MEGF11: variants seen among roughly 807,000 people sequenced by gnomAD.
The protein encoded by MEGF11 is multiple EGF like domains 11, also known as multiple epidermal growth factor-like domains protein 11.
In MEGF11, 126 loss-of-function variants were observed where a neutral mutation model predicts 146.6. The ratio of observed to expected loss-of-function variants is 0.86; its 90% CI spans 0.74 to 1.00. The LOEUF (loss-of-function observed/expected upper bound fraction) is 1.00. Ranked by LOEUF, MEGF11 falls within the 50% of genes least tolerant of loss-of-function variation. MEGF11 has a pLI of 0.00. For missense variants in MEGF11, 1,509 were observed against 1,521.2 expected (o/e 0.99, Z 0.13); for synonymous variants, 532 against 583.4 (o/e 0.91, Z 1.27).
At chr15:66,015,557 A>G (rs1482065250) in intron 5 of MEGF11, among the ~76,000 whole-genome samples, 6 of 152,160 alleles carry the variant, frequency 3.9e-5, no homozygotes, top group Admixed American at 1.3e-4. Context: ...TTATAGTATC[A>G]TGGGGGTAGG....
chr15:66,107,041 T>G (rs902117103), intron 4 of MEGF11, among the ~76,000 whole-genome samples: 1 of 139,350 alleles, frequency 7.2e-6, no homozygotes, highest in Admixed American at 7.6e-5. Flanking sequence ...TGTAGTTCAA[T>G]GTTTATATTC....
chr15:66,162,641 G>A (rs12592877), intron 1 of MEGF11, among the ~76,000 whole-genome samples: 19,693 of 152,138 alleles, frequency 0.13, 1,731 homozygotes, highest in East Asian at 0.37. Flanking sequence ...CCTCTGGGAG[G>A]GGAGAGGGCA....
intron 5 of MEGF11, among the ~76,000 whole-genome samples, chr15:66,045,511 A>T (rs969391862): frequency 6.6e-6 from 1 of 152,160 alleles, no homozygotes; most frequent in African/African-American, 2.4e-5. Context: ...TCTCAGCTTG[A>T]TATCAATGCC....
intron 1 of MEGF11, among the ~76,000 whole-genome samples, chr15:66,244,545 A>C (rs2092267073): frequency 6.6e-6 from 1 of 152,142 alleles, no homozygotes; most frequent in Admixed American, 6.5e-5. Context: ...TAGAGGAAAG[A>C]AGATGACCCT....
chr15:65,931,091 G>T, intron 10 of MEGF11, 148 bp from the exon 11 acceptor site: 1 of 1,011,340 alleles, frequency 9.9e-7, no homozygotes, highest in Non-Finnish European at 1.3e-6. Context: ...GGCAAAAAGG[G>T]ACTTTGCAGG....
In MEGF11 at chr15:66,108,218, C is replaced by A. The variant is rs114045938; in HGVS notation, c.301+10868G>T. ...CACGAGTGTCATGTGAAGGACCCTG[C>A]GGAACGCACCTGGAGTGGGCAGCCC... On this transcript the variant is annotated intron_variant, in intron 4 of 25. Transcript: ENST00000395614. Among the ~76,000 whole-genome samples, 318 of 152,222 alleles carry A rather than the reference C, an allele frequency of 2.1e-3. 1 individual carries two copies. Among genetic ancestry groups the A allele is most frequent in the African/African-American group, 7.5e-3 (311 of 41,522 alleles).
At position 65,970,597 on chromosome 15, in the gene MEGF11, G is replaced by A. The variant is rs145172692; in HGVS notation, c.855C>T (p.His285=). ...CTGTACAGTGGCACTGTCCAGTCAC[G>A]TGGTCACACTGCCCTCCATGGTGGC... ...CPCHHGGQCD[H]VTGQCHCTAG... is the part of the protein sequence containing the mutation. The change falls in exon 8 of 26, where the codon CAC becomes CAT. Residue 285 remains histidine (H), a synonymous_variant. Coordinates refer to ENST00000395614, the MANE Select transcript of MEGF11 (RefSeq NM_001385028.1). 218 of 1,613,868 alleles carry A rather than the reference G, an allele frequency of 1.4e-4. 1 individual carries two copies. Among genetic ancestry groups the A allele is most frequent in the South Asian group, 3.2e-4 (29 of 91,074 alleles).
chr15:66,244,445 G>C (rs570927209), intron 1 of MEGF11, among the ~76,000 whole-genome samples: 4 of 152,148 alleles, frequency 2.6e-5, no homozygotes, highest in African/African-American at 9.7e-5. Flanking sequence ...CAAAGCAGTG[G>C]GGCACAGTGG....
At chr15:66,170,726 C>A (rs2090227650) in intron 1 of MEGF11, among the ~76,000 whole-genome samples, 1 of 152,164 alleles carries the variant, frequency 6.6e-6, no homozygotes, top group South Asian at 2.1e-4. Context: ...GATGCCCCTT[C>A]CCCCATTTGC....
chr15:66,071,793 G>A (rs937965380), intron 5 of MEGF11, among the ~76,000 whole-genome samples: 6 of 152,320 alleles, frequency 3.9e-5, no homozygotes, highest in Admixed American at 3.3e-4. Context: ...TTCCAACTCC[G>A]CATTCCTCCC....
intron 13 of MEGF11, among the ~76,000 whole-genome samples, chr15:65,926,236 C>G (rs2079367096): frequency 6.6e-6 from 1 of 152,200 alleles, no homozygotes; most frequent in South Asian, 2.1e-4. Flanking sequence ...AAGATACAAT[C>G]CTGAGTCTTT....
intron 10 of MEGF11, among the ~76,000 whole-genome samples, chr15:65,955,793 T>TATATATAC (rs1555455862): frequency 3.0e-4 from 2 of 6,776 alleles, no homozygotes; most frequent in Non-Finnish European, 3.9e-4. Flanking sequence ...TATATATATA[T>TATATATAC]ACACACACAC....
intron 7 of MEGF11, among the ~76,000 whole-genome samples, chr15:65,978,685 G>A (rs1245269814): frequency 6.6e-6 from 1 of 152,186 alleles, no homozygotes. Flanking sequence ...CCTGCTGGGT[G>A]GATTTCTGAA....
At chr15:66,187,284 CTCCTTTGT>C (rs1189008152) in intron 1 of MEGF11, among the ~76,000 whole-genome samples, 3 of 152,226 alleles carry the variant, frequency 2.0e-5, no homozygotes, top group Non-Finnish European at 2.9e-5. Context: ...CTGATGCCAG[CTCCTTTGT>C]TCCCCCATCC....
At chr15:66,121,164 T>C (rs1271092815) in intron 3 of MEGF11, among the ~76,000 whole-genome samples, 1 of 152,164 alleles carries the variant, frequency 6.6e-6, no homozygotes, top group African/African-American at 2.4e-5. Flanking sequence ...ACCACCTCAG[T>C]GGTGATGGAT....
Position 66,220,216 on chromosome 15 carries a change from A to C in MEGF11, c.-9+33389T>G, listed in dbSNP as rs117282033. Among the ~76,000 whole-genome samples, 122 of 152,228 alleles carry C rather than the reference A, an allele frequency of 8.0e-4. 1 individual carries two copies. The East Asian group carries it at 0.021, about 27-fold the overall frequency. ...CACTTCTAACCTCTAGAACTGTGGGAAAACAAATTTCTGTCGTTTTAAGAA... is the reference window on the plus strand; with the variant it reads ...CACTTCTAACCTCTAGAACTGTGGGCAAACAAATTTCTGTCGTTTTAAGAA... On this transcript the variant is annotated intron_variant, in intron 1 of 25. Coordinates refer to ENST00000395614, the MANE Select transcript of MEGF11 (RefSeq NM_001385028.1).
At chr15:66,211,274 A>T (rs1597153942) in intron 1 of MEGF11, among the ~76,000 whole-genome samples, 1 of 152,238 alleles carries the variant, frequency 6.6e-6, no homozygotes, top group Non-Finnish European at 1.5e-5. Flanking sequence ...CTGTAATCTC[A>T]GCACTTTGGG....
chr15:66,134,872 C>G (rs986466061), intron 1 of MEGF11, among the ~76,000 whole-genome samples: 7 of 152,366 alleles, frequency 4.6e-5, no homozygotes, highest in Admixed American at 3.9e-4. Flanking sequence ...ACACCTCATC[C>G]TCTAGGAGGG....
At chr15:66,015,933 A>G (rs1596992139) in intron 5 of MEGF11, among the ~76,000 whole-genome samples, 3 of 86,206 alleles carry the variant, frequency 3.5e-5, no homozygotes, top group African/African-American at 1.4e-4. Flanking sequence ...GGGTAGTGGG[A>G]GTTGGTGGGG....
Sources: gnomAD v4.1 joint callset for allele counts (sites outside exome capture counted in the v4.1 genomes callset) on GRCh38, gnomAD v4.1.1 for gene constraint, MANE v1.5 for transcripts, NCBI Gene and HGNC (gene_info 2026-07-23, HGNC 2026-07-21) for gene names.